The following KMT2A variants were observed in gnomAD, a reference collection of about 807,000 sequenced individuals.
The protein encoded by KMT2A is histone-lysine N-methyltransferase 2A.
A neutral mutation model predicts 345.3 loss-of-function variants in KMT2A; 16 were observed. The ratio of observed to expected loss-of-function variants is 0.05; its 90% CI spans 0.03 to 0.07. KMT2A has a LOEUF of 0.07. KMT2A is among the 10% of genes least tolerant of loss of function. The pLI is 1.00. For synonymous variants in KMT2A, 1,599 were observed against 1,778.6 expected, an observed-to-expected ratio of 0.90 and a Z score of 2.54; for missense variants, 3,272 against 4,841.6, an observed-to-expected ratio of 0.68 and a Z score of 9.62.
Position 118,520,524 on chromosome 11 carries a change from G to A in KMT2A, c.11430-278G>A, listed in dbSNP as rs1344644330. On this transcript the variant is annotated intron_variant, in intron 33 of 35. Transcript: ENST00000534358. This position sits in a 1 kb window ranked among gnomAD's most constrained non-coding sequence, Gnocchi z 4.3. Reference sequence around the variant, plus strand: ...AAATTAGCCCGGCGTGGTGGCGCGCGCCTGTAGTCCCACCTACTCAGCAGG... The same window carrying A: ...AAATTAGCCCGGCGTGGTGGCGCGCACCTGTAGTCCCACCTACTCAGCAGG... The A allele has an allele frequency of 6.0e-5, 25 of 419,678 alleles. No homozygotes were observed. Among genetic ancestry groups the A allele is most frequent in the South Asian group, 1.5e-4 (4 of 27,446 alleles). 26.0% of individuals were successfully genotyped at this position (419,678 alleles called of 1,614,324 possible). A position where few individuals can be genotyped will look rare whatever the true frequency, so the allele number is the denominator to read the frequency against.
Position 118,501,807 on chromosome 11 carries a change from G to A in KMT2A, c.6455G>A (p.Ser2152Asn). The change falls in exon 26 of 36, where the codon AGT (serine) becomes AAT (asparagine). Residue 2152 changes from serine to asparagine, a missense_variant. Transcript: ENST00000534358. ...ISKVPRIRTP[S>N]YSPTQRSPGC... The stretch of plus-strand genomic sequence containing the variant: ...AAGGTCCCCAGGATTCGAACACCCA[G>A]TTATTCTCCAACACAGAGATCCCCT... The A allele has an allele frequency of 6.2e-7, 1 of 1,614,090 alleles. No individual in the cohort carries two copies. The highest frequency in any genetic ancestry group is 8.5e-7 in the Non-Finnish European group (1 of 1,180,010).
At chr11:118,517,479 G>A (rs1332756031) in intron 31 of KMT2A, among the ~76,000 whole-genome samples, 1 of 151,748 alleles carries the variant, frequency 6.6e-6, no homozygotes, top group African/African-American at 2.4e-5. Flanking sequence ...ATACAGTTGT[G>A]TTACATAGTG....
In KMT2A at chr11:118,489,776, T is replaced by C. The variant is rs782196437; in HGVS notation, c.4480-16T>C. On this transcript the variant is annotated splice_polypyrimidine_tract_variant and intron_variant, in intron 11 of 35. Transcript: ENST00000534358. ...TAATATGATGCTTATCTTTTTGCCA[T>C]TATATTTTCTTACAGCAGCTGCTGG... 3 of 1,611,206 alleles carry C rather than the reference T, an allele frequency of 1.9e-6. No homozygotes were observed. The highest frequency in any genetic ancestry group is 2.5e-6 in the Non-Finnish European group (3 of 1,177,356).
In KMT2A at chr11:118,490,006, T is replaced by C; in HGVS notation, c.4575+119T>C. Reference sequence around the variant, plus strand: ...TCAGTATGACAATCTTTTTGCCTCATTACTAGGAAATCATCTCAGCAGAGA... The same window carrying C: ...TCAGTATGACAATCTTTTTGCCTCACTACTAGGAAATCATCTCAGCAGAGA... On this transcript the variant is annotated intron_variant, in intron 12 of 35. Transcript: ENST00000534358. This position sits in a 1 kb window ranked among gnomAD's most constrained non-coding sequence, Gnocchi z 4.2. 7.0e-7 allele frequency: 1 copy of C among 1,430,544 alleles called. No individual in the cohort carries two copies. The highest frequency in any genetic ancestry group is 9.7e-7 in the Non-Finnish European group (1 of 1,035,296). The allele number at this position is 1,430,544 out of a possible 1,614,324, so 88.6% of individuals were successfully genotyped here. A position where few individuals can be genotyped will look rare whatever the true frequency, so the allele number is the denominator to read the frequency against.
intron 1 of KMT2A, among the ~76,000 whole-genome samples, chr11:118,443,317 C>A (rs1268263207): frequency 6.6e-6 from 1 of 152,110 alleles, no homozygotes; most frequent in Non-Finnish European, 1.5e-5. Context: ...TAAAATGGTT[C>A]TTTATGTTTT....
In KMT2A at chr11:118,481,947, A is replaced by G. The variant is rs782435447; in HGVS notation, c.3867A>G (p.Pro1289=). The G allele has an allele frequency of 3.1e-6, 5 of 1,614,222 alleles. No homozygotes were observed. Among genetic ancestry groups the G allele is most frequent in the African/African-American group, 1.3e-5 (1 of 75,050 alleles). Residue 1289 remains proline (P), a synonymous_variant, in exon 7 of 36, where the codon CCA becomes CCG. Coordinates refer to ENST00000534358, the MANE Select transcript of KMT2A (RefSeq NM_001197104.2). ...PGPESKQATT[P]ASRKSSKQVS... ...CTGAATCCAAACAGGCCACCACTCCAGCTTCCAGGAAGTCAAGCAAGCAGG... is the reference window on the plus strand; with the variant it reads ...CTGAATCCAAACAGGCCACCACTCCGGCTTCCAGGAAGTCAAGCAAGCAGG...
rs1555039458 is a variant in KMT2A at position 118,482,050 on chromosome 11, C to G, written c.3970C>G (p.Pro1324Ala). 5 of 1,612,390 alleles carry G rather than the reference C, an allele frequency of 3.1e-6. No homozygotes were observed. Among genetic ancestry groups the G allele is most frequent in the Non-Finnish European group, 3.4e-6 (4 of 1,179,430 alleles). ...AAGAAAAGAAGTTCCCAAAACCACTCCTAGTGAGCCCAAGAAAAAGCAGCC... is the reference window on the plus strand; with the variant it reads ...AAGAAAAGAAGTTCCCAAAACCACTGCTAGTGAGCCCAAGAAAAAGCAGCC... ...PPRKEVPKTT[P>A]SEPKKKQPPP... The change falls in exon 7 of 36, where the codon CCT becomes GCT. Residue 1324 changes from proline (P) to alanine (A), a missense_variant. Transcript: ENST00000534358.
chr11:118,508,630 G>A (rs1183417349), intron 28 of KMT2A, among the ~76,000 whole-genome samples: 2 of 151,916 alleles, frequency 1.3e-5, no homozygotes, highest in Non-Finnish European at 2.9e-5. Flanking sequence ...AGCTAAGGCG[G>A]GAGGATTGCT....
Position 118,437,059 on chromosome 11 carries a change from AC to A in KMT2A, c.432+118del. ...TTCTGGGACCATCTCGGGGTCCCTG[AC>A]CCGGGGCGAATGGCTCTCCCATCTT... On this transcript the variant is annotated intron_variant, in intron 1 of 35. Transcript: ENST00000534358. 4 of 1,234,182 alleles carry A rather than the reference AC, an allele frequency of 3.2e-6. No homozygotes were observed. The South Asian group carries it at 7.9e-5, about 24-fold the overall frequency. The allele number at this position is 1,234,182 out of a possible 1,614,324, so 76.5% of individuals were successfully genotyped here.
intron 1 of KMT2A, chr11:118,458,173 T>C: frequency 2.5e-6 from 1 of 393,684 alleles, no homozygotes; most frequent in African/African-American, 2.1e-5. Flanking sequence ...AGCCTGTATC[T>C]TCTGGACTTA....
rs1305892130 is a variant in KMT2A at position 118,517,350 on chromosome 11, C to T, written c.11147-2268C>T. The stretch of plus-strand genomic sequence containing the variant: ...GGCAGAGCTTGCAGTGAGCCAAGAT[C>T]GCACCACTGTACTCCAGCCTGGGCG... On this transcript the variant is annotated intron_variant, in intron 31 of 35. Coordinates refer to ENST00000534358, the MANE Select transcript of KMT2A (RefSeq NM_001197104.2). Among the ~76,000 whole-genome samples, 4 of 144,192 alleles carry T rather than the reference C, an allele frequency of 2.8e-5. No homozygotes were observed. The South Asian group carries it at 6.5e-4, about 23-fold the overall frequency. The allele number at this position is 144,192 out of a possible 152,430, so 94.6% of individuals were successfully genotyped here. A position where few individuals can be genotyped will look rare whatever the true frequency, so the allele number is the denominator to read the frequency against.
chr11:118,449,016 C>G (rs547840041), intron 1 of KMT2A: 1 of 152,178 alleles, frequency 6.6e-6, no homozygotes, highest in South Asian at 2.1e-4. Context: ...ATTATAAAAG[C>G]AAAGACAAAT....
rs1555035442 is a variant in KMT2A at position 118,471,491 on chromosome 11, A to C, written c.503-171A>C. Among the ~76,000 whole-genome samples the C allele has an allele frequency of 5.3e-5, 8 of 152,184 alleles. No homozygotes were observed. The South Asian group carries it at 1.4e-3, about 28-fold the overall frequency. ...GGAATGTTATTTGCTGACTTCTTTG[A>C]GGCAAATTTTGGGTGAAAAGAAACT... On this transcript the variant is annotated intron_variant, in intron 2 of 35. Transcript: ENST00000534358.
In KMT2A at chr11:118,503,265, G is replaced by A. The variant is rs1367628820; in HGVS notation, c.7373G>A (p.Gly2458Asp). Reference sequence around the variant, plus strand: ...TTGGAACCTGGTCAGGTGACAACTGGTGAGGAAGGAAACTTGAAGCCAGAG... The same window carrying A: ...TTGGAACCTGGTCAGGTGACAACTGATGAGGAAGGAAACTTGAAGCCAGAG... ...SFLEPGQVTTGEEGNLKPEFM... is the reference protein window; with the variant it reads ...SFLEPGQVTTDEEGNLKPEFM... Residue 2458 changes from glycine (G) to aspartate (D), a missense_variant, in exon 27 of 36, where the codon GGT becomes GAT. By Grantham distance (94) the Gly-to-Asp change is moderately conservative. This residue lies in a region of KMT2A where 445 missense variants were observed against 500.9 expected (regional missense o/e 0.89). Coordinates refer to ENST00000534358, the MANE Select transcript of KMT2A (RefSeq NM_001197104.2). This position sits in a 1 kb window ranked among gnomAD's most constrained non-coding sequence, Gnocchi z 5.3. 7.4e-6 allele frequency: 12 copies of A among 1,614,072 alleles called. No homozygotes were observed. In the Admixed American group the frequency reaches 8.3e-5, roughly 11 times the overall value.
chr11:118,461,306 G>A (rs1453935081), intron 1 of KMT2A, among the ~76,000 whole-genome samples: 1 of 152,084 alleles, frequency 6.6e-6, no homozygotes, highest in Non-Finnish European at 1.5e-5. Context: ...CAAATAACTG[G>A]TTACCCCAGA....
intron 27 of KMT2A, 48 bp from the exon 28 acceptor site, chr11:118,507,481 T>TA (rs1352642815): frequency 2.6e-6 from 4 of 1,515,390 alleles, no homozygotes; most frequent in African/African-American, 1.4e-5. Context: ...ATTCAGTACA[T>TA]ATTTACTGGT....
Position 118,521,060 on chromosome 11 carries a change from A to T in KMT2A, c.11513+175A>T. The T allele has an allele frequency of 1.5e-6, 1 of 652,264 alleles. No homozygotes were observed. The highest frequency in any genetic ancestry group is 2.7e-6 in the Non-Finnish European group (1 of 369,116). The allele number at this position is 652,264 out of a possible 1,614,324, so 40.4% of individuals were successfully genotyped here. On this transcript the variant is annotated intron_variant, in intron 34 of 35. Transcript: ENST00000534358. The surrounding 1 kb of genome is among the most constrained non-coding windows in gnomAD (Gnocchi z 5.3). Reference sequence around the variant, plus strand: ...CTCCTTGTGTTGAACAAGGACTTTAACATAATAAGCATTAAAATATTACTG... The same window carrying T: ...CTCCTTGTGTTGAACAAGGACTTTATCATAATAAGCATTAAAATATTACTG...
intron 28 of KMT2A, among the ~76,000 whole-genome samples, chr11:118,508,506 G>GC (rs782035603): frequency 8.5e-5 from 13 of 152,162 alleles, no homozygotes; most frequent in Non-Finnish European, 1.3e-4. Flanking sequence ...GGAGGCTGAG[G>GC]CAGGAGGATT....
In KMT2A at chr11:118,490,302, G is replaced by A. The variant is rs544824783; in HGVS notation, c.4696+53G>A. The A allele has an allele frequency of 1.5e-4, 219 of 1,502,414 alleles. 3 individuals carry two copies. In the South Asian group the frequency reaches 2.8e-3, roughly 19 times the overall value. 93.1% of individuals were successfully genotyped at this position (1,502,414 alleles called of 1,614,324 possible). A position where few individuals can be genotyped will look rare whatever the true frequency, so the allele number is the denominator to read the frequency against. On this transcript the variant is annotated intron_variant, in intron 13 of 35. Transcript: ENST00000534358. This position sits in a 1 kb window ranked among gnomAD's most constrained non-coding sequence, Gnocchi z 4.2. ...TTTCGGAGGTTGTACTTGGTGTTCTGGAGGTGAACTAGACTCTAGTGAAAT... is the reference window on the plus strand; with the variant it reads ...TTTCGGAGGTTGTACTTGGTGTTCTAGAGGTGAACTAGACTCTAGTGAAAT...
Sources: allele counts gnomAD v4.1 joint callset (sites outside exome capture counted in the v4.1 genomes callset), GRCh38; gene constraint gnomAD v4.1.1; regional missense constraint gnomAD v4.1.1; non-coding constraint Gnocchi (gnomAD v3.1); transcripts MANE v1.5; gene names NCBI Gene and HGNC (gene_info 2026-07-23, HGNC 2026-07-21).